PPM1D: variants seen among roughly 807,000 people sequenced by gnomAD.
The protein encoded by PPM1D is protein phosphatase 1D.
Under a neutral mutation model 58.3 loss-of-function variants are expected in PPM1D, and 52 were observed. The observed-to-expected ratio is 0.89, with a 90% CI of 0.71 to 1.12. The LOEUF (loss-of-function observed/expected upper bound fraction) is 1.12. PPM1D is among the 50% of genes most tolerant of loss of function. The pLI is 0.00. For synonymous variants in PPM1D, 278 were observed against 285.1 expected, an observed-to-expected ratio of 0.98 and a Z score of 0.25; for missense variants, 564 against 777.2, an observed-to-expected ratio of 0.73 and a Z score of 3.26.
At chr17:60,621,212 C>T (rs1229471529) in intron 1 of PPM1D, among the ~76,000 whole-genome samples, 3 of 152,196 alleles carry the variant, frequency 2.0e-5, no homozygotes, top group African/African-American at 4.8e-5. Context: ...TGTGAGCCAC[C>T]GCATCCGGCC....
At chr17:60,660,198 T>G (rs2031502888) in intron 5 of PPM1D, among the ~76,000 whole-genome samples, 1 of 151,968 alleles carries the variant, frequency 6.6e-6, no homozygotes, top group South Asian at 2.1e-4. Flanking sequence ...TAGCTGGGTG[T>G]GGTGGTGGGT....
At chr17:60,623,833 C>G (rs1190224893) in intron 2 of PPM1D, 84 bp downstream of exon 2, 1 of 1,314,670 alleles carries the variant, frequency 7.6e-7, no homozygotes, top group Non-Finnish European at 1.0e-6. Context: ...CTACTACTGT[C>G]CCTTTTACTG....
intron 5 of PPM1D, among the ~76,000 whole-genome samples, chr17:60,661,507 A>T (rs899485674): frequency 3.9e-5 from 6 of 152,130 alleles, no homozygotes; most frequent in African/African-American, 1.4e-4. Context: ...TCTTATCTGG[A>T]GGTGAGCGGC....
intron 1 of PPM1D, among the ~76,000 whole-genome samples, chr17:60,602,152 A>C (rs574337404): frequency 6.6e-6 from 1 of 152,278 alleles, no homozygotes; most frequent in Admixed American, 6.5e-5. Flanking sequence ...GGCGTTTCCC[A>C]TCCATCCCAG....
chr17:60,604,374 G>A (rs969224566), intron 1 of PPM1D, among the ~76,000 whole-genome samples: 7 of 152,170 alleles, frequency 4.6e-5, no homozygotes, highest in African/African-American at 1.4e-4. Flanking sequence ...TCATGTTGAA[G>A]ATGTACACCA....
chr17:60,644,161 G>A (rs536002832), intron 3 of PPM1D, among the ~76,000 whole-genome samples: 4 of 151,950 alleles, frequency 2.6e-5, no homozygotes, highest in Non-Finnish European at 5.9e-5. Flanking sequence ...TTACAGGTGT[G>A]AGCCACCGTG....
chr17:60,625,010 C>T (rs906504284), intron 2 of PPM1D, among the ~76,000 whole-genome samples: 1 of 151,598 alleles, frequency 6.6e-6, no homozygotes, highest in Non-Finnish European at 1.5e-5. Context: ...GGCGTGGCAG[C>T]GTGCAACTGT....
At chr17:60,642,352 A>ATTTT (rs760188816) in intron 3 of PPM1D, among the ~76,000 whole-genome samples, 3,300 of 124,786 alleles carry the variant, frequency 0.026, 196 homozygotes, top group African/African-American at 0.096. Context: ...AGAAGAATGG[A>ATTTT]TTTTTTTTTT....
chr17:60,608,514 G>T (rs1379758749), intron 1 of PPM1D, among the ~76,000 whole-genome samples: 4 of 151,998 alleles, frequency 2.6e-5, no homozygotes, highest in Non-Finnish European at 5.9e-5. Context: ...GGTGGCATGC[G>T]CTGGTAGTCC....
chr17:60,607,323 C>T (rs1390268531), intron 1 of PPM1D, among the ~76,000 whole-genome samples: 3 of 151,812 alleles, frequency 2.0e-5, no homozygotes, highest in Non-Finnish European at 2.9e-5. Flanking sequence ...GCTCTTGTTG[C>T]CCAGGCTGGA....
chr17:60,603,789 T>C (rs116182940), intron 1 of PPM1D, among the ~76,000 whole-genome samples: 173 of 152,130 alleles, frequency 1.1e-3, no homozygotes, highest in African/African-American at 4.0e-3. Flanking sequence ...AGCTGAATTA[T>C]CATATCCACT....
chr17:60,622,644 GTAAA>G (rs1249849006), intron 1 of PPM1D, among the ~76,000 whole-genome samples: 5 of 152,260 alleles, frequency 3.3e-5, no homozygotes, highest in South Asian at 4.1e-4. Context: ...TGAGGAATAA[GTAAA>G]TAAATAAAGG....
chr17:60,609,180 G>A (rs1359559797), intron 1 of PPM1D, among the ~76,000 whole-genome samples: 2 of 151,694 alleles, frequency 1.3e-5, no homozygotes, highest in African/African-American at 2.4e-5. Context: ...CGCAACCTCC[G>A]CCTCCTGGAT....
chr17:60,645,308 C>G (rs898691043), intron 3 of PPM1D, among the ~76,000 whole-genome samples: 2 of 151,646 alleles, frequency 1.3e-5, no homozygotes, highest in Non-Finnish European at 2.9e-5. Context: ...GAGCCAAGAT[C>G]GTGCCATTGC....
At chr17:60,614,241 A>G (rs915778056) in intron 1 of PPM1D, among the ~76,000 whole-genome samples, 12 of 152,174 alleles carry the variant, frequency 7.9e-5, no homozygotes, top group South Asian at 4.1e-4. Flanking sequence ...GGATGCAACA[A>G]TCAGCACTCT....
chr17:60,659,363 A>G (rs1337229437), intron 5 of PPM1D, among the ~76,000 whole-genome samples: 3 of 152,200 alleles, frequency 2.0e-5, no homozygotes, highest in African/African-American at 7.2e-5. Context: ...ATTTGTCTGT[A>G]AACATGTCAG....
intron 2 of PPM1D, among the ~76,000 whole-genome samples, chr17:60,630,555 G>A (rs993354004): frequency 1.3e-5 from 2 of 152,072 alleles, no homozygotes; most frequent in African/African-American, 4.8e-5. Flanking sequence ...AGCTCTCTGC[G>A]TGTCAGGCTG....
At chr17:60,605,275 G>A (rs2030307085) in intron 1 of PPM1D, among the ~76,000 whole-genome samples, 1 of 152,206 alleles carries the variant, frequency 6.6e-6, no homozygotes, top group African/African-American at 2.4e-5. Flanking sequence ...TGTCAGCACA[G>A]TGAAAAGGGC....
rs534420603 is a variant in PPM1D, at chr17:60,603,579, A to G, written c.472+2693A>G. ...GGAGTTTGAGACCAGCCTGGCCAAC[A>G]TGGTGAAACCTTGTCTCTACTAAAA... On this transcript the variant is annotated intron_variant, in intron 1 of 5. Coordinates refer to ENST00000305921, the MANE Select transcript of PPM1D (RefSeq NM_003620.4). 1.4e-3 allele frequency among the ~76,000 whole-genome samples: 207 copies of G among 152,196 alleles called. 1 individual carries two copies. Among genetic ancestry groups the G allele is most frequent in the Non-Finnish European group, 2.3e-3 (157 of 68,026 alleles).
Sources: gnomAD v4.1 joint callset for allele counts (sites outside exome capture counted in the v4.1 genomes callset) on GRCh38, gnomAD v4.1.1 for gene constraint, MANE v1.5 for transcripts, NCBI Gene and HGNC (gene_info 2026-07-23, HGNC 2026-07-21) for gene names.